The following SORL1 variants were observed in gnomAD, a reference collection of about 807,000 sequenced individuals.
The protein encoded by SORL1 is sortilin related receptor 1.
SORL1 carries 127 observed loss-of-function variants against 273.7 expected under a neutral mutation model. The observed-to-expected ratio is 0.46, with a 90% CI of 0.40 to 0.54. The LOEUF is 0.54. SORL1 is among the 20% of genes least tolerant of loss of function. The probability of loss-of-function intolerance (pLI) is 0.00; values close to 1 mark genes in which losing one functional copy is unlikely to be tolerated. For missense variants in SORL1, 2,494 were observed against 2,846.1 expected (o/e 0.88, Z 2.81); for synonymous variants, 1,031 against 1,067.4 (o/e 0.97, Z 0.66).
intron 25 of SORL1, among the ~76,000 whole-genome samples, chr11:121,581,024 T>C (rs1863007796): frequency 6.6e-6 from 1 of 151,792 alleles, no homozygotes; most frequent in Non-Finnish European, 1.5e-5. Context: ...GCAATTCTCC[T>C]GCCTCAGCCT....
Position 121,598,901 on chromosome 11 carries a change from G to A in SORL1, c.4519+3129G>A, listed in dbSNP as rs1413882994. On this transcript the variant is annotated intron_variant, in intron 32 of 47. Coordinates refer to ENST00000260197, the MANE Select transcript of SORL1 (RefSeq NM_003105.6). Reference sequence around the variant, plus strand: ...TGCTTTTGTTTCGGCTGCCTGAAGGGTCTTTTCTTTGACTAAAAGTCAAGG... The same window carrying A: ...TGCTTTTGTTTCGGCTGCCTGAAGGATCTTTTCTTTGACTAAAAGTCAAGG... Among the ~76,000 whole-genome samples, 6 of 152,130 alleles carry A rather than the reference G, an allele frequency of 3.9e-5. No homozygotes were observed. The East Asian group carries it at 9.6e-4, about 24-fold the overall frequency.
At position 121,570,136 on chromosome 11, in the gene SORL1, C is replaced by T. The variant is rs749778427; in HGVS notation, c.3224-21C>T. The T allele has an allele frequency of 9.7e-6, 15 of 1,548,482 alleles. No individual in the cohort carries two copies. The East Asian group carries it at 3.2e-4, about 33-fold the overall frequency. ...AATAATATTGGTTTCATTTCCTCCC[C>T]TGCCGCACTCTGATGGGTAGAGAAC... On this transcript the variant is annotated intron_variant, in intron 22 of 47. Transcript: ENST00000260197.
At position 121,588,073 on chromosome 11, in the gene SORL1, C is replaced by G. The variant is rs1291294219; in HGVS notation, c.3868C>G (p.Leu1290Val). The G allele has an allele frequency of 6.2e-7, 1 of 1,613,810 alleles. No individual in the cohort carries two copies. Among genetic ancestry groups the G allele is most frequent in the African/African-American group, 1.3e-5 (1 of 74,910 alleles). ...DFVCKNRQQC[L>V]FHSMVCDGII... Reference sequence around the variant, plus strand: ...TGTGTGTAAGAACCGCCAGCAGTGCCTGTTCCACTCCATGGTCTGTGACGG... The same window carrying G: ...TGTGTGTAAGAACCGCCAGCAGTGCGTGTTCCACTCCATGGTCTGTGACGG... Residue 1290 changes from leucine (L) to valine (V), a missense_variant, in exon 28 of 48, where the codon CTG becomes GTG. This residue lies in a region of SORL1 where 1,609 missense variants were observed against 1,816.4 expected (regional missense o/e 0.89). Transcript: ENST00000260197.
rs757751342 is a variant in SORL1 at position 121,532,468 on chromosome 11, T to C, written c.1601T>C (p.Leu534Pro). The C allele has an allele frequency of 6.2e-7, 1 of 1,614,076 alleles. No homozygotes were observed. The highest frequency in any genetic ancestry group is 1.1e-5 in the South Asian group (1 of 91,062). ...CCATGGATTTTTCCTCTTCAGGCAC[T>C]TCCTGGACCTCACTACTACACATGG... ...SSAGARWREA[L>P]PGPHYYTWGD... is the part of the protein sequence containing the mutation. Residue 534 changes from leucine to proline, a missense_variant, in exon 12 of 48, where the codon CTT becomes CCT. By Grantham distance (98) the Leu-to-Pro change is moderately conservative (BLOSUM62 -3). Transcript: ENST00000260197.
intron 10 of SORL1, 43 bp from the exon 11 acceptor site, chr11:121,522,873 C>T: frequency 6.5e-7 from 1 of 1,534,910 alleles, no homozygotes; most frequent in Non-Finnish European, 9.0e-7. Flanking sequence ...GATTATCTGA[C>T]ATATTCTTGA....
Position 121,545,341 on chromosome 11 carries a change from A to G in SORL1, c.1963A>G (p.Thr655Ala). Residue 655 changes from threonine to alanine, a missense_variant, in exon 14 of 48, where the codon ACC becomes GCC. Physicochemically the swap from Thr to Ala is moderately conservative, Grantham distance 58. Coordinates refer to ENST00000260197, the MANE Select transcript of SORL1 (RefSeq NM_003105.6). ...LGHKTVFKRR[T>A]PHATCFNGED... ...ACACAAGACTGTTTTCAAACGGCGGACCCCCCATGCCACATGCTTCAATGG... is the reference window on the plus strand; with the variant it reads ...ACACAAGACTGTTTTCAAACGGCGGGCCCCCCATGCCACATGCTTCAATGG... 3.7e-6 allele frequency: 6 copies of G among 1,614,046 alleles called. No homozygotes were observed. The highest frequency in any genetic ancestry group is 5.1e-6 in the Non-Finnish European group (6 of 1,179,978).
At chr11:121,468,139 G>T (rs1404394344) in intron 1 of SORL1, among the ~76,000 whole-genome samples, 3 of 152,128 alleles carry the variant, frequency 2.0e-5, no homozygotes, top group Admixed American at 6.5e-5. Context: ...GCGAGAGAAG[G>T]AGAAAGGAGC....
chr11:121,461,592 T>C (rs1030211647), intron 1 of SORL1, among the ~76,000 whole-genome samples: 6 of 152,226 alleles, frequency 3.9e-5, no homozygotes, highest in Admixed American at 1.3e-4. Flanking sequence ...TGGGATGTAA[T>C]GTTTACATGC....
chr11:121,497,298 G>T (rs1861647164), intron 6 of SORL1, among the ~76,000 whole-genome samples: 1 of 152,166 alleles, frequency 6.6e-6, no homozygotes, highest in Non-Finnish European at 1.5e-5. Context: ...CTAGGAATTT[G>T]GTTGTTTCCT....
chr11:121,583,650 A>G, intron 26 of SORL1, 67 bp downstream of exon 26: 1 of 1,514,802 alleles, frequency 6.6e-7, no homozygotes, highest in Non-Finnish European at 8.9e-7. Context: ...AAGAGAGGCC[A>G]CAGAGAGCCA....
At chr11:121,624,153 G>A (rs1863761690) in intron 45 of SORL1, among the ~76,000 whole-genome samples, 1 of 152,154 alleles carries the variant, frequency 6.6e-6, no homozygotes, top group African/African-American at 2.4e-5. Context: ...CACAGCACAG[G>A]AGAATTATAG....
chr11:121,473,402 A>G (rs1041156233), intron 2 of SORL1, among the ~76,000 whole-genome samples: 1 of 152,254 alleles, frequency 6.6e-6, no homozygotes, highest in Non-Finnish European at 1.5e-5. Context: ...GATTCCATGA[A>G]GAGAACGGCT....
chr11:121,515,878 C>T (rs1189419887), intron 8 of SORL1, among the ~76,000 whole-genome samples: 1 of 152,134 alleles, frequency 6.6e-6, no homozygotes, highest in Non-Finnish European at 1.5e-5. Context: ...AACTCCTGAC[C>T]TCAAGTGATC....
intron 4 of SORL1, 81 bp from the exon 5 acceptor site, chr11:121,489,962 G>A: frequency 9.9e-7 from 1 of 1,012,326 alleles, no homozygotes; most frequent in Non-Finnish European, 1.6e-6. Context: ...TGGAAGGTGG[G>A]ATTTCAGCGG....
At chr11:121,558,532 T>G (rs1862625822) in intron 19 of SORL1, 59 bp from the exon 20 acceptor site, 2 of 1,593,732 alleles carry the variant, frequency 1.3e-6, no homozygotes, top group African/African-American at 1.3e-5. Flanking sequence ...TGGAGTAGTA[T>G]TTGAGCTCCC....
chr11:121,610,166 A>G (rs1863540476), intron 38 of SORL1: 1 of 152,230 alleles, frequency 6.6e-6, no homozygotes. Flanking sequence ...AGTCTATAGA[A>G]GGGGCATATG....
At chr11:121,611,326 C>G (rs1349840049) in intron 39 of SORL1, 168 bp downstream of exon 39, 1 of 519,050 alleles carries the variant, frequency 1.9e-6, no homozygotes, top group South Asian at 2.7e-5. Context: ...TTCCTTCCCC[C>G]ATGAAGAACA....
intron 22 of SORL1, among the ~76,000 whole-genome samples, chr11:121,568,097 G>A (rs1862779989): frequency 6.6e-6 from 1 of 152,170 alleles, no homozygotes; most frequent in Admixed American, 6.5e-5. Context: ...TTGTTGCCCA[G>A]TCTGGTCTTG....
chr11:121,465,457 A>G (rs565080545), intron 1 of SORL1, among the ~76,000 whole-genome samples: 1 of 152,150 alleles, frequency 6.6e-6, no homozygotes, highest in Non-Finnish European at 1.5e-5. Flanking sequence ...TCCTGCCAGG[A>G]GGCAGGGGAA....
Sources: gnomAD v4.1 joint callset for allele counts (sites outside exome capture counted in the v4.1 genomes callset) on GRCh38, gnomAD v4.1.1 for gene constraint, gnomAD v4.1.1 regional missense constraint, MANE v1.5 for transcripts, NCBI Gene and HGNC (gene_info 2026-07-23, HGNC 2026-07-21) for gene names.